CHD2: variants seen among roughly 807,000 people sequenced by gnomAD.
CHD2 encodes chromodomain helicase DNA binding protein 2.
Under a neutral mutation model 243.9 loss-of-function variants are expected in CHD2, and 28 were observed. The ratio of observed to expected loss-of-function variants is 0.11; its 90% confidence interval spans 0.09 to 0.16. The LOEUF (loss-of-function observed/expected upper bound fraction) is 0.16, where lower values mean the gene tolerates loss of function less well. Among genes scored for constraint, CHD2 ranks in the 10% least tolerant of loss-of-function variants. The pLI is 1.00. For synonymous variants in CHD2, 775 were observed against 779.0 expected (o/e 0.99, Z 0.09); for missense variants, 1,386 against 2,209.8 (o/e 0.63, Z 7.47).
chr15:92,996,745 A>G (rs546794034), intron 28 of CHD2, among the ~76,000 whole-genome samples: 25 of 152,362 alleles, frequency 1.6e-4, no homozygotes, highest in Non-Finnish European at 3.1e-4. Flanking sequence ...GTGAATTAAA[A>G]AAGAATTCCA....
chr15:93,014,308 T>C (rs1001651848), intron 36 of CHD2, among the ~76,000 whole-genome samples: 7 of 152,202 alleles, frequency 4.6e-5, no homozygotes, highest in Admixed American at 2.0e-4. Context: ...AGGAGTTAGT[T>C]CCCACTGGAC....
intron 3 of CHD2, among the ~76,000 whole-genome samples, chr15:92,926,866 C>T (rs1207372564): frequency 1.3e-5 from 2 of 152,122 alleles, no homozygotes; most frequent in African/African-American, 4.8e-5. Context: ...TTCAGTTTCA[C>T]AGGTGTGGGT....
intron 3 of CHD2, among the ~76,000 whole-genome samples, chr15:92,926,851 G>T (rs2053071192): frequency 6.6e-6 from 1 of 152,196 alleles, no homozygotes; most frequent in African/African-American, 2.4e-5. Flanking sequence ...TTTGCCGCTT[G>T]TATTTTCAGT....
At chr15:92,904,766 G>A (rs2033843) in intron 2 of CHD2, 65,590 of 1,397,828 alleles carry the variant, frequency 0.047, 2,500 homozygotes, top group African/African-American at 0.18. Flanking sequence ...ATACCTTAGC[G>A]TCCCTTCTCC....
chr15:93,014,988 C>A, intron 37 of CHD2, 79 bp downstream of exon 37: 2 of 1,094,458 alleles, frequency 1.8e-6, no homozygotes, highest in Non-Finnish European at 2.8e-6. Flanking sequence ...TCCAAAGACA[C>A]TGGCTAGACT....
intron 14 of CHD2, among the ~76,000 whole-genome samples, chr15:92,955,098 G>C (rs1372829967): frequency 2.0e-5 from 3 of 152,098 alleles, no homozygotes; most frequent in African/African-American, 7.2e-5. Flanking sequence ...AATTTCTAAG[G>C]ATCTGGGAGA....
chr15:92,942,815 CT>C, intron 8 of CHD2, 27 bp from the exon 9 acceptor site: 1 of 1,553,370 alleles, frequency 6.4e-7, no homozygotes, highest in Non-Finnish European at 8.7e-7. Flanking sequence ...AATATACTCT[CT>C]TTCAAGTGTA....
intron 17 of CHD2, among the ~76,000 whole-genome samples, chr15:92,968,633 T>C (rs1013489546): frequency 6.6e-5 from 10 of 152,228 alleles, no homozygotes; most frequent in Non-Finnish European, 7.3e-5. Flanking sequence ...AAAAGAAACT[T>C]TCCCATGTCA....
chr15:92,965,775 T>C (rs1211536953), intron 16 of CHD2, among the ~76,000 whole-genome samples: 5 of 152,056 alleles, frequency 3.3e-5, no homozygotes, highest in Non-Finnish European at 7.4e-5. Context: ...ACTCCCTTAA[T>C]ATAATAAGAG....
intron 24 of CHD2, among the ~76,000 whole-genome samples, chr15:92,983,533 G>C (rs931090237): frequency 6.6e-6 from 1 of 152,164 alleles, no homozygotes; most frequent in Non-Finnish European, 1.5e-5. Flanking sequence ...AAGGCTAGGA[G>C]GGAGGGAATA....
At chr15:92,939,743 C>A (rs754744040) in intron 7 of CHD2, 25 bp downstream of exon 7, 2 of 1,608,324 alleles carry the variant, frequency 1.2e-6, no homozygotes, top group African/African-American at 2.7e-5. Flanking sequence ...AGAAGTGTTT[C>A]ACTGGTGTGA....
intron 20 of CHD2, among the ~76,000 whole-genome samples, chr15:92,975,915 A>G (rs1345948581): frequency 3.4e-4 from 52 of 152,292 alleles, no homozygotes; most frequent in Non-Finnish European, 8.8e-5. Flanking sequence ...AATTAAAGAC[A>G]TCGGTCATCA....
intron 7 of CHD2, among the ~76,000 whole-genome samples, chr15:92,940,963 AAATATAAATAT>A (rs1165014723): frequency 3.3e-5 from 1 of 29,856 alleles, no homozygotes; most frequent in African/African-American, 8.4e-5. Flanking sequence ...AAATATATAT[AAATATAAATAT>A]AAATATAAAT....
rs371023030 is a variant in CHD2, at chr15:92,923,239, T to G, written c.63-1082T>G. 5.3e-5 allele frequency among the ~76,000 whole-genome samples: 8 copies of G among 152,264 alleles called. No homozygotes were observed. The East Asian group carries it at 1.3e-3, about 26-fold the overall frequency. On this transcript the variant is annotated intron_variant, in intron 2 of 38. Transcript: ENST00000394196. ...TTGCAACCAGTTTGCATTCTTCCTC[T>G]TTGGGTGAGATGCTTTGTTTTTTTT...
In CHD2 at chr15:92,998,486, T is replaced by G; in HGVS notation, c.3886-13T>G. On this transcript the variant is annotated splice_polypyrimidine_tract_variant and intron_variant, in intron 30 of 38. Transcript: ENST00000394196. This position sits in a 1 kb window ranked among gnomAD's most constrained non-coding sequence, Gnocchi z 5.1. ...GGGTGGTGGCGGGTGCTTCTCTTCC[T>G]TTCTTGTTGAAGATTCTGCCGGTGG... is the stretch of plus-strand genomic sequence containing the variant. 2.5e-6 allele frequency: 4 copies of G among 1,613,792 alleles called. No homozygotes were observed. Among genetic ancestry groups the G allele is most frequent in the Non-Finnish European group, 3.4e-6 (4 of 1,179,808 alleles).
chr15:92,954,674 A>G (rs949669090), intron 14 of CHD2, among the ~76,000 whole-genome samples: 2 of 152,220 alleles, frequency 1.3e-5, no homozygotes, highest in African/African-American at 4.8e-5. Flanking sequence ...AATGATTGCA[A>G]ACAAAGAAAA....
At chr15:93,005,767 A>G (rs2054312351) in intron 34 of CHD2, among the ~76,000 whole-genome samples, 1 of 152,228 alleles carries the variant, frequency 6.6e-6, no homozygotes, top group South Asian at 2.1e-4. Context: ...AAGGTCATTT[A>G]GATGCTAGAA....
chr15:93,026,613 C>T lies in CHD2; in HGVS notation c.*1908C>T, dbSNP rs184560494. The stretch of plus-strand genomic sequence containing the variant: ...CTGCATGAGCCACCTGGCCACAGTC[C>T]TCCCATGGAGGGCCTGCCGTGACGC... On this transcript the variant is annotated 3_prime_UTR_variant, in exon 39 of 39. Transcript: ENST00000394196. 6.6e-6 allele frequency: 1 copy of T among 152,310 alleles called. No homozygotes were observed. Among genetic ancestry groups the T allele is most frequent in the South Asian group, 2.1e-4 (1 of 4,834 alleles). The allele number at this position is 152,310 out of a possible 1,614,324, so 9.4% of individuals were successfully genotyped here.
intron 2 of CHD2, among the ~76,000 whole-genome samples, chr15:92,908,774 A>G (rs1398663694): frequency 1.3e-5 from 2 of 152,164 alleles, no homozygotes; most frequent in African/African-American, 4.8e-5. Context: ...ATGGAAGAGG[A>G]TGTTTCTATA....
Sources: gnomAD v4.1 joint callset for allele counts (sites outside exome capture counted in the v4.1 genomes callset) on GRCh38, gnomAD v4.1.1 for gene constraint, Gnocchi (gnomAD v3.1) non-coding constraint, MANE v1.5 for transcripts, NCBI Gene and HGNC (gene_info 2026-07-23, HGNC 2026-07-21) for gene names.